C8orf58: variants seen among roughly 807,000 people sequenced by gnomAD.
C8orf58 encodes the protein uncharacterized protein C8orf58.
Under a neutral mutation model 36.8 loss-of-function variants are expected in C8orf58, and 31 were observed. That is an observed-to-expected ratio of 0.84 (90% CI 0.63 to 1.14). The LOEUF (loss-of-function observed/expected upper bound fraction) is 1.14. Ranked by LOEUF, C8orf58 falls within the 50% of genes most tolerant of loss-of-function variation. C8orf58 has a pLI of 0.00. For missense variants in C8orf58, 538 were observed against 480.8 expected, an observed-to-expected ratio of 1.12 and a Z score of -1.11; for synonymous variants, 230 against 200.2, an observed-to-expected ratio of 1.15 and a Z score of -1.26.
In C8orf58 at chr8:22,603,504, T is replaced by C. The variant is rs1182720636; in HGVS notation, c.*198T>C. 3.2e-6 allele frequency: 2 copies of C among 630,456 alleles called. No homozygotes were observed. Among genetic ancestry groups the C allele is most frequent in the Admixed American group, 2.4e-5 (1 of 41,826 alleles). 39.1% of individuals were successfully genotyped at this position (630,456 alleles called of 1,614,324 possible). A position where few individuals can be genotyped will look rare whatever the true frequency, so the allele number is the denominator to read the frequency against. ...TTGGTTTCTTGAGAGGCCCCCAAGA[T>C]GCCGCAGCTCCAGGGCTCTTCCTCC... On this transcript the variant is annotated 3_prime_UTR_variant, in exon 7 of 7. Transcript: ENST00000289989.
chr8:22,603,923 G>C lies in C8orf58; in HGVS notation c.*617G>C, dbSNP rs1800955566. ...TGCACAAGGAATGAGGAAGATCAGG[G>C]ACAACCTGGGAACTGAATAACTTTC... On this transcript the variant is annotated 3_prime_UTR_variant, in exon 7 of 7. Coordinates refer to ENST00000289989, the MANE Select transcript of C8orf58 (RefSeq NM_001013842.3). The C allele has an allele frequency of 5.9e-6, 1 of 169,298 alleles. No individual in the cohort carries two copies. Among genetic ancestry groups the C allele is most frequent in the African/African-American group, 2.4e-5 (1 of 41,674 alleles). 10.5% of individuals were successfully genotyped at this position (169,298 alleles called of 1,614,324 possible). A position where few individuals can be genotyped will look rare whatever the true frequency, so the allele number is the denominator to read the frequency against.
rs1183470951 is a variant in C8orf58, at chr8:22,601,823, C to T, written c.628C>T (p.Leu210=). The T allele has an allele frequency of 1.2e-6, 2 of 1,611,422 alleles. No homozygotes were observed. The highest frequency in any genetic ancestry group is 4.5e-5 in the East Asian group (2 of 44,864). The part of the protein sequence containing the change: ...EQMARLQQLY[L]QLRIQRPPGD... The stretch of plus-strand genomic sequence containing the variant: ...GATGGCAAGGCTCCAGCAGCTCTAC[C>T]TGCAGCTGCGGATCCAGAGGCCCCC... The change falls in exon 3 of 7, where the codon CTG becomes TTG. Residue 210 remains leucine, a synonymous_variant. Coordinates refer to ENST00000289989, the MANE Select transcript of C8orf58 (RefSeq NM_001013842.3).
intron 1 of C8orf58, 114 bp from the exon 2 acceptor site, chr8:22,600,768 C>T: frequency 1.1e-6 from 1 of 878,456 alleles, no homozygotes; most frequent in Non-Finnish European, 1.7e-6. Flanking sequence ...TGTCCAGTGA[C>T]CGCCCTTCCT....
Position 22,599,729 on chromosome 8 carries a change from C to T in C8orf58, c.9C>T (p.Gly3=). The stretch of plus-strand genomic sequence containing the variant: ...GGGGCCGGGAGCGGGCCATGATGGG[C>T]CGGCGGCGCGCCTTCGCCGTGGACG... MM[G]RRRAFAVDGR... is the part of the protein sequence containing the mutation. The change falls in exon 1 of 7, where the codon GGC becomes GGT. Residue 3 remains glycine, a synonymous_variant. Coordinates refer to ENST00000289989, the MANE Select transcript of C8orf58 (RefSeq NM_001013842.3). The T allele has an allele frequency of 2.5e-6, 3 of 1,218,178 alleles. No individual in the cohort carries two copies. The highest frequency in any genetic ancestry group is 3.1e-6 in the Non-Finnish European group (3 of 979,264). The allele number at this position is 1,218,178 out of a possible 1,614,324, so 75.5% of individuals were successfully genotyped here.
rs1800940372 is a variant in C8orf58, at chr8:22,603,532, A to G, written c.*226A>G. ...CGCAGCTCCAGGGCTCTTCCTCCTCACCAGAAATCCCTGGGCTTCCACAAT... is the reference window on the plus strand; with the variant it reads ...CGCAGCTCCAGGGCTCTTCCTCCTCGCCAGAAATCCCTGGGCTTCCACAAT... On this transcript the variant is annotated 3_prime_UTR_variant, in exon 7 of 7. Coordinates refer to ENST00000289989, the MANE Select transcript of C8orf58 (RefSeq NM_001013842.3). The G allele has an allele frequency of 3.4e-6, 2 of 579,726 alleles. No homozygotes were observed. Among genetic ancestry groups the G allele is most frequent in the Non-Finnish European group, 6.2e-6 (2 of 322,422 alleles). 35.9% of individuals were successfully genotyped at this position (579,726 alleles called of 1,614,324 possible).
Position 22,601,340 on chromosome 8 carries a change from G to C in C8orf58, c.499G>C (p.Gly167Arg), listed in dbSNP as rs369737718. Residue 167 changes from glycine (G) to arginine (R), a missense_variant, in exon 2 of 7, where the codon GGC becomes CGC. Transcript: ENST00000289989. ...SMEADTDLEA[G>R]LEEEAVGGLG... Reference sequence around the variant, plus strand: ...GGAGGCAGACACAGACCTAGAGGCAGGCCTGGAAGAAGAGGCGGTGAGTGC... The same window carrying C: ...GGAGGCAGACACAGACCTAGAGGCACGCCTGGAAGAAGAGGCGGTGAGTGC... 1.5e-4 allele frequency: 242 copies of C among 1,584,396 alleles called. No homozygotes were observed. Among genetic ancestry groups the C allele is most frequent in the Non-Finnish European group, 2.0e-4 (237 of 1,159,930 alleles).
chr8:22,603,059 A>G lies in C8orf58; in HGVS notation c.987-136A>G. 4 of 653,398 alleles carry G rather than the reference A, an allele frequency of 6.1e-6. No individual in the cohort carries two copies. In the Admixed American group the frequency reaches 8.1e-5, roughly 13 times the overall value. 40.5% of individuals were successfully genotyped at this position (653,398 alleles called of 1,614,324 possible). A position where few individuals can be genotyped will look rare whatever the true frequency, so the allele number is the denominator to read the frequency against. On this transcript the variant is annotated intron_variant, in intron 6 of 6. Transcript: ENST00000289989. ...GAATCGTTCTCCAGGAGGAAGAAATACCAAGTCATTTAACAGCCCCGGGCT... is the reference window on the plus strand; with the variant it reads ...GAATCGTTCTCCAGGAGGAAGAAATGCCAAGTCATTTAACAGCCCCGGGCT...
intron 2 of C8orf58, 144 bp downstream of exon 2, chr8:22,601,501 ATTTGTGCACGGCCACC>A (rs1187077954): frequency 1.3e-5 from 12 of 923,042 alleles, no homozygotes; most frequent in Non-Finnish European, 1.8e-5. Flanking sequence ...CCCCAGTTCC[ATTTGTGCACGGCCACC>A]TCTGCAGAGG....
At chr8:22,603,144 T>A in intron 6 of C8orf58, 51 bp from the exon 7 acceptor site, 1 of 1,350,508 alleles carries the variant, frequency 7.4e-7, no homozygotes, top group Non-Finnish European at 1.1e-6. Flanking sequence ...CTAGGGCCAT[T>A]GTTAGTTTTA....
intron 1 of C8orf58, 193 bp downstream of exon 1, chr8:22,599,953 C>T (rs908185726): frequency 1.9e-4 from 71 of 367,514 alleles, no homozygotes; most frequent in African/African-American, 1.4e-3. Context: ...GCTGGAACCC[C>T]TTTGGGCCCA....
Position 22,603,364 on chromosome 8 carries a change from C to T in C8orf58, c.*58C>T, listed in dbSNP as rs753522278. 33 of 1,206,018 alleles carry T rather than the reference C, an allele frequency of 2.7e-5. No individual in the cohort carries two copies. The highest frequency in any genetic ancestry group is 8.5e-5 in the South Asian group (7 of 82,348). The allele number at this position is 1,206,018 out of a possible 1,614,324, so 74.7% of individuals were successfully genotyped here. A position where few individuals can be genotyped will look rare whatever the true frequency, so the allele number is the denominator to read the frequency against. On this transcript the variant is annotated 3_prime_UTR_variant, in exon 7 of 7. Coordinates refer to ENST00000289989, the MANE Select transcript of C8orf58 (RefSeq NM_001013842.3). ...AGGGGACTTGCTGTGAAGTCTTCCTCGCCCTCTGCCCTCTTGCTGCTTCTC... is the reference window on the plus strand; with the variant it reads ...AGGGGACTTGCTGTGAAGTCTTCCTTGCCCTCTGCCCTCTTGCTGCTTCTC...
chr8:22,602,735 C>T, intron 6 of C8orf58, 92 bp downstream of exon 6: 1 of 866,008 alleles, frequency 1.2e-6, no homozygotes, highest in Non-Finnish European at 1.8e-6. Flanking sequence ...ATTATTGTCC[C>T]CGCAAAACTT....
At chr8:22,600,523 T>C (rs1800816407) in intron 1 of C8orf58, 1 of 289,484 alleles carries the variant, frequency 3.5e-6, no homozygotes, top group South Asian at 4.1e-5. Flanking sequence ...TACTCCCGCT[T>C]GGGGAGCAGC....
chr8:22,602,226 G>T lies in C8orf58; in HGVS notation c.793G>T (p.Val265Leu). ...TGAKAASPPK[V>L]EVPSANPPRL... Reference sequence around the variant, plus strand: ...AGCAAAGGCTGCTTCACCCCCAAAGGTGGAGGTGCCCAGTGCCAACCCTCC... The same window carrying T: ...AGCAAAGGCTGCTTCACCCCCAAAGTTGGAGGTGCCCAGTGCCAACCCTCC... The change falls in exon 5 of 7, where the codon GTG (valine) becomes TTG (leucine). Residue 265 changes from valine (V) to leucine (L), a missense_variant. By Grantham distance (32) the Val-to-Leu change is conservative. Coordinates refer to ENST00000289989, the MANE Select transcript of C8orf58 (RefSeq NM_001013842.3). 3.7e-6 allele frequency: 6 copies of T among 1,606,042 alleles called. No homozygotes were observed. Among genetic ancestry groups the T allele is most frequent in the Non-Finnish European group, 5.1e-6 (6 of 1,177,286 alleles).
chr8:22,599,765 G>C lies in C8orf58; in HGVS notation c.40+5G>C. On this transcript the variant is annotated splice_donor_5th_base_variant and intron_variant, in intron 1 of 6. Transcript: ENST00000289989. ...CCTTCGCCGTGGACGGCCGGGGTGAGTCACCCACCCCCAGGCTGGCCGGGC... is the reference window on the plus strand; with the variant it reads ...CCTTCGCCGTGGACGGCCGGGGTGACTCACCCACCCCCAGGCTGGCCGGGC... 5 of 1,215,500 alleles carry C rather than the reference G, an allele frequency of 4.1e-6. No homozygotes were observed. The highest frequency in any genetic ancestry group is 5.1e-6 in the Non-Finnish European group (5 of 976,350). 75.3% of individuals were successfully genotyped at this position (1,215,500 alleles called of 1,614,324 possible).
chr8:22,602,458 G>T, intron 5 of C8orf58, 79 bp from the exon 6 acceptor site: 1 of 1,373,530 alleles, frequency 7.3e-7, no homozygotes, highest in Non-Finnish European at 1.0e-6. Context: ...TCCTGGCTGT[G>T]GCGACAGCTG....
At chr8:22,602,162 G>A (rs1051994437) in intron 4 of C8orf58, 38 bp from the exon 5 acceptor site, 10 of 1,563,754 alleles carry the variant, frequency 6.4e-6, no homozygotes, top group Middle Eastern at 3.3e-4. Flanking sequence ...TTGATGGGGT[G>A]TCTTCTGGCC....
rs757800724 is a variant in C8orf58 at position 22,602,567 on chromosome 8, G to A, written c.910G>A (p.Val304Ile). 6.3e-7 allele frequency: 1 copy of A among 1,597,864 alleles called. No homozygotes were observed. The highest frequency in any genetic ancestry group is 8.5e-7 in the Non-Finnish European group (1 of 1,169,606). ...RDISHWDKVK[V>I]LLNRICRRSH... ...TATCTCCCACTGGGACAAGGTCAAGGTCCTGCTCAACCGGATCTGCCGGAG... is the reference window on the plus strand; with the variant it reads ...TATCTCCCACTGGGACAAGGTCAAGATCCTGCTCAACCGGATCTGCCGGAG... The change falls in exon 6 of 7, where the codon GTC (valine) becomes ATC (isoleucine). Residue 304 changes from valine to isoleucine, a missense_variant. By Grantham distance (29) the Val-to-Ile change is conservative. Coordinates refer to ENST00000289989, the MANE Select transcript of C8orf58 (RefSeq NM_001013842.3).
rs760287999 is a variant in C8orf58, at chr8:22,601,161, G to A, written c.320G>A (p.Arg107Gln). 6 of 1,610,374 alleles carry A rather than the reference G, an allele frequency of 3.7e-6. No individual in the cohort carries two copies. Among genetic ancestry groups the A allele is most frequent in the South Asian group, 2.2e-5 (2 of 90,920 alleles). Residue 107 changes from arginine (R) to glutamine (Q), a missense_variant, in exon 2 of 7, where the codon CGA (arginine) becomes CAA (glutamine). Physicochemically the swap from Arg to Gln is conservative, Grantham distance 43. Transcript: ENST00000289989. ...TCTGAGCCCCCCGCCCAGGTAGGCC[G>A]ACTCCTGGCCAGCCAGAAGCTGGGG... ...GSSEPPAQVG[R>Q]LLASQKLGEV...
Sources: gnomAD v4.1 joint callset for allele counts on GRCh38, gnomAD v4.1.1 for gene constraint, MANE v1.5 for transcripts, NCBI Gene and HGNC (gene_info 2026-07-23, HGNC 2026-07-21) for gene names.